The following GATAD2B variants were observed in gnomAD, a reference collection of about 807,000 sequenced individuals.
The protein encoded by GATAD2B is transcriptional repressor p66-beta.
In GATAD2B, 8 loss-of-function variants were observed where a neutral mutation model predicts 64.3. That is an observed-to-expected ratio of 0.12 (90% CI 0.07 to 0.22). The LOEUF (loss-of-function observed/expected upper bound fraction) is 0.22. GATAD2B is among the 10% of genes least tolerant of loss of function. The probability of loss-of-function intolerance (pLI) is 1.00; values close to 1 mark genes in which losing one functional copy is unlikely to be tolerated. For missense variants in GATAD2B, 453 were observed against 752.0 expected (o/e 0.60, Z 4.65); for synonymous variants, 281 against 271.3 (o/e 1.04, Z -0.35).
chr1:153,849,866 A>G (rs1157282059), intron 1 of GATAD2B, among the ~76,000 whole-genome samples: 1 of 152,120 alleles, frequency 6.6e-6, no homozygotes, highest in African/African-American at 2.4e-5. Flanking sequence ...TCCTGACCTC[A>G]GGTGATCCGC....
chr1:153,823,367 G>T (rs1188164922), intron 2 of GATAD2B, among the ~76,000 whole-genome samples: 4 of 152,168 alleles, frequency 2.6e-5, no homozygotes, highest in Non-Finnish European at 5.9e-5. Context: ...TGTCTCTCTA[G>T]AATTCTAAAA....
At chr1:153,903,958 T>G (rs1196049200) in intron 1 of GATAD2B, among the ~76,000 whole-genome samples, 1 of 151,968 alleles carries the variant, frequency 6.6e-6, no homozygotes, top group African/African-American at 2.4e-5. Context: ...CACTCCAGCG[T>G]TGGCAACAGC....
chr1:153,859,892 A>ATTTTCTTTTC (rs1292192915), intron 1 of GATAD2B, among the ~76,000 whole-genome samples: 2 of 111,612 alleles, frequency 1.8e-5, no homozygotes, highest in African/African-American at 3.3e-5. Flanking sequence ...CTGTCAAGGA[A>ATTTTCTTTTC]TTTTCTTTTC....
intron 2 of GATAD2B, among the ~76,000 whole-genome samples, chr1:153,826,903 T>C (rs1421798049): frequency 6.7e-6 from 1 of 149,996 alleles, no homozygotes; most frequent in Non-Finnish European, 1.5e-5. Context: ...ATCATGCTAC[T>C]GCACTCAAGA....
At chr1:153,894,075 A>C (rs1005585240) in intron 1 of GATAD2B, among the ~76,000 whole-genome samples, 2 of 152,120 alleles carry the variant, frequency 1.3e-5, no homozygotes, top group South Asian at 4.1e-4. Flanking sequence ...ATTATTACCA[A>C]GTCTCAAGCT....
rs1674161853 is a variant in GATAD2B at position 153,808,033 on chromosome 1, G to A, written c.*2144C>T. On this transcript the variant is annotated 3_prime_UTR_variant, in exon 11 of 11. Transcript: ENST00000368655. ...ATCCAGTGCTTTCAAAGCACAGAGG[G>A]CAAAGAAAAGATGTAAGAATATATC... 6.6e-6 allele frequency: 1 copy of A among 152,348 alleles called. No homozygotes were observed. The highest frequency in any genetic ancestry group is 2.4e-5 in the African/African-American group (1 of 41,456). 9.4% of individuals were successfully genotyped at this position (152,348 alleles called of 1,614,324 possible). A position where few individuals can be genotyped will look rare whatever the true frequency, so the allele number is the denominator to read the frequency against.
chr1:153,896,841 T>C (rs925238004), intron 1 of GATAD2B, among the ~76,000 whole-genome samples: 22 of 152,246 alleles, frequency 1.4e-4, no homozygotes, highest in African/African-American at 4.8e-4. Context: ...AACACATCCA[T>C]AAATTTCTTA....
At chr1:153,869,799 A>C (rs374808530) in intron 1 of GATAD2B, among the ~76,000 whole-genome samples, 1 of 152,128 alleles carries the variant, frequency 6.6e-6, no homozygotes, top group African/African-American at 2.4e-5. Context: ...CTATATTTGC[A>C]TATGTGTGTA....
At chr1:153,908,998 C>G (rs368455742) in intron 1 of GATAD2B, among the ~76,000 whole-genome samples, 1 of 151,674 alleles carries the variant, frequency 6.6e-6, no homozygotes, top group Non-Finnish European at 1.5e-5. Flanking sequence ...CCCAAGAGTT[C>G]GAGACCTGCC....
rs116072155 is a variant in GATAD2B at position 153,859,401 on chromosome 1, G to A, written c.-1-31053C>T. ...AAGACCATGCAAGGCGAGGCGAGGC[G>A]GCTCATGCCTATAACCCCGGCACTT... On this transcript the variant is annotated intron_variant, in intron 1 of 10. Transcript: ENST00000368655. 7.6e-3 allele frequency among the ~76,000 whole-genome samples: 1,153 copies of A among 150,774 alleles called. 5 individuals carry two copies. Among genetic ancestry groups the A allele is most frequent in the Middle Eastern group, 0.014 (4 of 284 alleles).
chr1:153,826,528 T>C (rs1201819150), intron 2 of GATAD2B, among the ~76,000 whole-genome samples: 1 of 151,230 alleles, frequency 6.6e-6, no homozygotes, highest in African/African-American at 2.4e-5. Flanking sequence ...CTTAGGGGAG[T>C]AGAGAGGCAA....
At position 153,813,412 on chromosome 1, in the gene GATAD2B, T is replaced by G; in HGVS notation, c.1257A>C (p.Val419=). Residue 419 remains valine, a synonymous_variant, in exon 8 of 11, where the codon GTA becomes GTC. Coordinates refer to ENST00000368655, the MANE Select transcript of GATAD2B (RefSeq NM_020699.4). ...CASLLRVEPF[V]CAQCRTDFTP... Reference sequence around the variant, plus strand: ...TGAAATCTGTGCGGCACTGGGCACATACAAAGGGTTCAACCCGCAGAAGTG... The same window carrying G: ...TGAAATCTGTGCGGCACTGGGCACAGACAAAGGGTTCAACCCGCAGAAGTG... 1 of 1,614,122 alleles carries G rather than the reference T, an allele frequency of 6.2e-7. No individual in the cohort carries two copies. The highest frequency in any genetic ancestry group is 8.5e-7 in the Non-Finnish European group (1 of 1,179,992).
At chr1:153,918,299 C>T (rs1571013662) in intron 1 of GATAD2B, among the ~76,000 whole-genome samples, 1 of 152,176 alleles carries the variant, frequency 6.6e-6, no homozygotes, top group African/African-American at 2.4e-5. Flanking sequence ...AGAATTCAAC[C>T]CAGGACTTCA....
chr1:153,835,566 C>T (rs1268138319), intron 1 of GATAD2B, among the ~76,000 whole-genome samples: 2 of 152,076 alleles, frequency 1.3e-5, no homozygotes, highest in Admixed American at 1.3e-4. Context: ...GACACTCTAC[C>T]AGCTAAAAGA....
chr1:153,810,956 G>A (rs181495639), intron 10 of GATAD2B, among the ~76,000 whole-genome samples: 130 of 151,942 alleles, frequency 8.6e-4, no homozygotes, highest in African/African-American at 3.0e-3. Context: ...GTAGAGATGG[G>A]GTTTCATCAT....
At chr1:153,898,159 A>G (rs1470108067) in intron 1 of GATAD2B, among the ~76,000 whole-genome samples, 1 of 151,832 alleles carries the variant, frequency 6.6e-6, no homozygotes, top group Non-Finnish European at 1.5e-5. Flanking sequence ...CAAAAAAATT[A>G]GCCAGGTATA....
intron 1 of GATAD2B, among the ~76,000 whole-genome samples, chr1:153,842,968 T>C (rs1401513912): frequency 2.7e-5 from 4 of 148,054 alleles, no homozygotes; most frequent in Non-Finnish European, 4.5e-5. Context: ...TTTTTTTTTT[T>C]TTTTGAGACA....
chr1:153,845,445 T>C (rs1270483028), intron 1 of GATAD2B, among the ~76,000 whole-genome samples: 3 of 152,018 alleles, frequency 2.0e-5, no homozygotes, highest in East Asian at 3.9e-4. Flanking sequence ...GTCTCTACCA[T>C]TAATTTAAAA....
intron 1 of GATAD2B, chr1:153,853,173 T>C (rs1675966097): frequency 7.7e-7 from 1 of 1,293,476 alleles, no homozygotes; most frequent in African/African-American, 1.5e-5. Context: ...GACACGGATA[T>C]TGGCAACTGC....
Sources: gnomAD v4.1 joint callset for allele counts (sites outside exome capture counted in the v4.1 genomes callset) on GRCh38, gnomAD v4.1.1 for gene constraint, MANE v1.5 for transcripts, NCBI Gene and HGNC (gene_info 2026-07-23, HGNC 2026-07-21) for gene names.